The following TRIM7 variants were observed in gnomAD, a reference collection of about 807,000 sequenced individuals.
TRIM7 encodes E3 ubiquitin-protein ligase TRIM7.
Under a neutral mutation model 37.9 loss-of-function variants are expected in TRIM7, and 32 were observed. The ratio of observed to expected loss-of-function variants is 0.84; its 90% CI spans 0.64 to 1.13. The LOEUF (loss-of-function observed/expected upper bound fraction) is 1.13, where lower values mean the gene tolerates loss of function less well. Ranked by LOEUF, TRIM7 falls within the 50% of genes most tolerant of loss-of-function variation. TRIM7 has a pLI of 0.00. For synonymous variants in TRIM7, 351 were observed against 321.3 expected (o/e 1.09, Z -0.99); for missense variants, 732 against 714.0 (o/e 1.03, Z -0.29).
intron 6 of TRIM7, 154 bp from the exon 7 acceptor site, chr5:181,195,831 C>T: frequency 1.1e-6 from 1 of 943,992 alleles, no homozygotes; most frequent in Non-Finnish European, 1.5e-6. Flanking sequence ...CCCCCACGCT[C>T]TGCCTCCCAG....
intron 2 of TRIM7, among the ~76,000 whole-genome samples, chr5:181,201,702 T>C (rs951758240): frequency 1.3e-5 from 2 of 152,192 alleles, no homozygotes; most frequent in African/African-American, 4.8e-5. Context: ...CTCCAGCCTT[T>C]GTGACAAAGT....
chr5:181,195,886 G>A, intron 6 of TRIM7: 1 of 504,786 alleles, frequency 2.0e-6, no homozygotes, highest in Non-Finnish European at 3.3e-6. Flanking sequence ...AGTACTTACT[G>A]AAATCAAACA....
intron 2 of TRIM7, among the ~76,000 whole-genome samples, chr5:181,201,814 C>G (rs917751909): frequency 6.6e-6 from 1 of 152,154 alleles, no homozygotes; most frequent in Non-Finnish European, 1.5e-5. Flanking sequence ...AGGTGTTAAG[C>G]AAGGCCTGGG....
In TRIM7 at chr5:181,195,044, C is replaced by T. The variant is rs575015396; in HGVS notation, c.*122G>A. ...GCCTCGGGGTTGTGTCTGTAGCAGGCTCTCTTGGGCAGCAGGGGTCAGGAG... is the reference window on the plus strand; with the variant it reads ...GCCTCGGGGTTGTGTCTGTAGCAGGTTCTCTTGGGCAGCAGGGGTCAGGAG... On this transcript the variant is annotated 3_prime_UTR_variant, in exon 7 of 7. Coordinates refer to ENST00000274773, the MANE Select transcript of TRIM7 (RefSeq NM_203293.3). The T allele has an allele frequency of 7.1e-6, 9 of 1,267,570 alleles. No individual in the cohort carries two copies. In the South Asian group the frequency reaches 1.2e-4, roughly 17 times the overall value. 78.5% of individuals were successfully genotyped at this position (1,267,570 alleles called of 1,614,324 possible). A position where few individuals can be genotyped will look rare whatever the true frequency, so the allele number is the denominator to read the frequency against.
chr5:181,202,688 TC>T (rs1342768419), intron 2 of TRIM7: 3 of 151,840 alleles, frequency 2.0e-5, no homozygotes, highest in Non-Finnish European at 4.4e-5. Flanking sequence ...TGCCTCAGCC[TC>T]CGGAGTAGCT....
At chr5:181,204,396 G>T in intron 1 of TRIM7, 193 bp downstream of exon 1, 1 of 1,185,700 alleles carries the variant, frequency 8.4e-7, no homozygotes, top group Non-Finnish European at 1.1e-6. Context: ...TGGGGGTATT[G>T]GTGATGTTGG....
In TRIM7 at chr5:181,194,647, G is replaced by A. The variant is rs1756986796; in HGVS notation, c.*519C>T. 1 of 152,898 alleles carries A rather than the reference G, an allele frequency of 6.5e-6. No homozygotes were observed. Among genetic ancestry groups the A allele is most frequent in the South Asian group, 2.1e-4 (1 of 4,848 alleles). The allele number at this position is 152,898 out of a possible 1,614,324, so 9.5% of individuals were successfully genotyped here. A position where few individuals can be genotyped will look rare whatever the true frequency, so the allele number is the denominator to read the frequency against. ...CCAGTTCTGGCCCAGACTGTCCTCT[G>A]AGCTGGGAGCACAGGGCTCCTCCCT... On this transcript the variant is annotated 3_prime_UTR_variant, in exon 7 of 7. Coordinates refer to ENST00000274773, the MANE Select transcript of TRIM7 (RefSeq NM_203293.3).
rs1311319150 is a variant in TRIM7 at position 181,204,964 on chromosome 5, G to A, written c.147C>T (p.Cys49=). 2 of 1,476,444 alleles carry A rather than the reference G, an allele frequency of 1.4e-6. No homozygotes were observed. Among genetic ancestry groups the A allele is most frequent in the Non-Finnish European group, 8.9e-7 (1 of 1,122,064 alleles). 91.5% of individuals were successfully genotyped at this position (1,476,444 alleles called of 1,614,324 possible). A position where few individuals can be genotyped will look rare whatever the true frequency, so the allele number is the denominator to read the frequency against. ...PVSVECGHSF[C]RACIGRCWER... ...CCCAGCAGCGCCCTATGCAGGCGCG[G>A]CAGAAGCTGTGGCCGCACTCGACGG... The change falls in exon 1 of 7, where the codon TGC becomes TGT. Residue 49 remains cysteine, a synonymous_variant. Coordinates refer to ENST00000274773, the MANE Select transcript of TRIM7 (RefSeq NM_203293.3).
rs1757076015 is a variant in TRIM7 at position 181,195,753 on chromosome 5, C to CT, written c.1025-77dup. On this transcript the variant is annotated intron_variant, in intron 6 of 6. Transcript: ENST00000274773. ...CAGTCTTTGCAGGGCCGCGCCCGAC[C>CT]TTGCTTTGCAACCTGCCTGCCTTTC... The CT allele has an allele frequency of 2.0e-6, 3 of 1,486,356 alleles. No individual in the cohort carries two copies. The African/African-American group carries it at 4.3e-5, about 21-fold the overall frequency. The allele number at this position is 1,486,356 out of a possible 1,614,324, so 92.1% of individuals were successfully genotyped here.
Position 181,195,122 on chromosome 5 carries a change from C to A in TRIM7, c.*44G>T. On this transcript the variant is annotated 3_prime_UTR_variant, in exon 7 of 7. Coordinates refer to ENST00000274773, the MANE Select transcript of TRIM7 (RefSeq NM_203293.3). ...GGCATCTCTGGGGAGGCGACATCCCCTCCCACCGGCAGCCCAGAGACAGGA... is the reference window on the plus strand; with the variant it reads ...GGCATCTCTGGGGAGGCGACATCCCATCCCACCGGCAGCCCAGAGACAGGA... 6.4e-7 allele frequency: 1 copy of A among 1,551,172 alleles called. No individual in the cohort carries two copies.
intron 3 of TRIM7, 37 bp downstream of exon 3, chr5:181,199,814 G>A (rs200292025): frequency 3.2e-6 from 5 of 1,584,862 alleles, no homozygotes; most frequent in East Asian, 2.3e-5. Context: ...GATGCCTTAG[G>A]ATAAATGACT....
chr5:181,195,793 C>G (rs1757079839), intron 6 of TRIM7, 116 bp from the exon 7 acceptor site: 3 of 1,362,870 alleles, frequency 2.2e-6, no homozygotes, highest in Non-Finnish European at 1.9e-6. Flanking sequence ...TAGAATCCCC[C>G]CAGCACCCAG....
Position 181,204,924 on chromosome 5 carries a change from C to A in TRIM7, c.187G>T (p.Gly63Trp). The change falls in exon 1 of 7, where the codon GGG (glycine) becomes TGG (tryptophan). Residue 63 changes from glycine (G) to tryptophan (W), a missense_variant. Transcript: ENST00000274773. The stretch of plus-strand genomic sequence containing the variant: ...GCGCGGGTGGCGGCCCCAACAGACC[C>A]CGCGCCCGGGCGCTCCCAGCAGCGC... ...IGRCWERPGA[G>W]SVGAATRAPP... 1 of 1,403,552 alleles carries A rather than the reference C, an allele frequency of 7.1e-7. No homozygotes were observed. The allele number at this position is 1,403,552 out of a possible 1,614,324, so 86.9% of individuals were successfully genotyped here.
intron 2 of TRIM7, 93 bp downstream of exon 2, chr5:181,203,452 G>C: frequency 6.4e-7 from 1 of 1,566,450 alleles, no homozygotes; most frequent in Non-Finnish European, 8.6e-7. Flanking sequence ...CGGTTCCATA[G>C]CACACACTCC....
In TRIM7 at chr5:181,195,028, TTG is replaced by T. The variant is rs1286943278; in HGVS notation, c.*136_*137del. The T allele has an allele frequency of 9.3e-7, 1 of 1,079,334 alleles. No homozygotes were observed. Among genetic ancestry groups the T allele is most frequent in the African/African-American group, 1.6e-5 (1 of 61,880 alleles). 66.9% of individuals were successfully genotyped at this position (1,079,334 alleles called of 1,614,324 possible). A position where few individuals can be genotyped will look rare whatever the true frequency, so the allele number is the denominator to read the frequency against. ...CCACAGTCACTCTCCTGCCTCGGGG[TTG>T]TGTCTGTAGCAGGCTCTCTTGGGCA... On this transcript the variant is annotated 3_prime_UTR_variant, in exon 7 of 7. Coordinates refer to ENST00000274773, the MANE Select transcript of TRIM7 (RefSeq NM_203293.3).
intron 6 of TRIM7, chr5:181,195,963 G>A: frequency 2.5e-6 from 1 of 404,822 alleles, no homozygotes; most frequent in East Asian, 3.8e-5. Flanking sequence ...GCTAGACATT[G>A]GAAAGAATCA....
chr5:181,199,411 T>C (rs1174347928), intron 3 of TRIM7: 10 of 531,656 alleles, frequency 1.9e-5, no homozygotes, highest in Non-Finnish European at 3.4e-5. Flanking sequence ...TGGGACCCAG[T>C]GCTGCGTGTG....
chr5:181,200,950 G>A (rs1757447658), intron 2 of TRIM7: 1 of 984,660 alleles, frequency 1.0e-6, no homozygotes, highest in Admixed American at 6.2e-5. Flanking sequence ...GCGCCTTATG[G>A]ATATTAACTC....
chr5:181,204,878 C>A lies in TRIM7; in HGVS notation c.233G>T (p.Cys78Phe). 2 of 1,356,980 alleles carry A rather than the reference C, an allele frequency of 1.5e-6. No homozygotes were observed. The highest frequency in any genetic ancestry group is 9.4e-7 in the Non-Finnish European group (1 of 1,064,716). The allele number at this position is 1,356,980 out of a possible 1,614,324, so 84.1% of individuals were successfully genotyped here. A position where few individuals can be genotyped will look rare whatever the true frequency, so the allele number is the denominator to read the frequency against. ...GCGCGCGGGCTCGCGGCACTGCGGA[C>A]AGGGCAGTGGGAAGGGGGGCGCGCG... ...ATRAPPFPLPCPQCREPARPS... is the reference protein window; with the variant it reads ...ATRAPPFPLPFPQCREPARPS... Residue 78 changes from cysteine to phenylalanine, a missense_variant, in exon 1 of 7, where the codon TGT becomes TTT. Physicochemically the swap from Cys to Phe is radical, Grantham distance 205. Coordinates refer to ENST00000274773, the MANE Select transcript of TRIM7 (RefSeq NM_203293.3).
Sources: allele counts gnomAD v4.1 joint callset (sites outside exome capture counted in the v4.1 genomes callset), GRCh38; gene constraint gnomAD v4.1.1; transcripts MANE v1.5; gene names NCBI Gene and HGNC (gene_info 2026-07-23, HGNC 2026-07-21).